The following ZNF431 variants were observed in gnomAD, a reference collection of about 807,000 sequenced individuals.
ZNF431 encodes zinc finger protein 431.
Under a neutral mutation model 57.0 loss-of-function variants are expected in ZNF431, and 34 were observed. The observed-to-expected ratio is 0.60, with a 90% CI of 0.45 to 0.79. The LOEUF (loss-of-function observed/expected upper bound fraction) is 0.79. Among genes scored for constraint, ZNF431 ranks in the 30% least tolerant of loss-of-function variants. The pLI, the probability that ZNF431 is intolerant of heterozygous loss-of-function variation, is 0.00. For synonymous variants in ZNF431, 207 were observed against 220.3 expected (o/e 0.94, Z 0.54); for missense variants, 607 against 667.1 (o/e 0.91, Z 0.99).
intron 2 of ZNF431, 23 bp from the exon 3 acceptor site, chr19:21,166,312 G>A: frequency 6.2e-7 from 1 of 1,609,378 alleles, no homozygotes; most frequent in Non-Finnish European, 8.5e-7. Flanking sequence ...ATATATGTGT[G>A]TCTCTGTGCT....
rs1971444926 is a variant in ZNF431 at position 21,188,920 on chromosome 19, T to A, written c.*4886T>A. The A allele has an allele frequency of 6.6e-6, 1 of 152,170 alleles. No homozygotes were observed. The highest frequency in any genetic ancestry group is 6.5e-5 in the Admixed American group (1 of 15,268). 9.4% of individuals were successfully genotyped at this position (152,170 alleles called of 1,614,324 possible). On this transcript the variant is annotated 3_prime_UTR_variant, in exon 5 of 5. Transcript: ENST00000311048. ...TCCTAAAGTACGTTGGCTCCTCCCA[T>A]GCAATGTGCTGGGTCCAAACCATGC...
At position 21,196,042 on chromosome 19, in the gene ZNF431, A is replaced by G. The variant is rs1599635787; in HGVS notation, c.*12008A>G. On this transcript the variant is annotated 3_prime_UTR_variant, in exon 5 of 5. Transcript: ENST00000311048. ...ATTCAATTTGACAAAATATAAATCT[A>G]TTTGATTTGAATTTAATGGTGTGTG... 1 of 142,842 alleles carries G rather than the reference A, an allele frequency of 7.0e-6. No individual in the cohort carries two copies. The highest frequency in any genetic ancestry group is 1.5e-5 in the Non-Finnish European group (1 of 66,178). 8.8% of individuals were successfully genotyped at this position (142,842 alleles called of 1,614,324 possible). A position where few individuals can be genotyped will look rare whatever the true frequency, so the allele number is the denominator to read the frequency against.
At position 21,185,030 on chromosome 19, in the gene ZNF431, T is replaced by A. The variant is rs1971327650; in HGVS notation, c.*996T>A. Reference sequence around the variant, plus strand: ...AATATAATAAATTTGGAAAAACAATTTTTCAAAAACTACAGCTTAGAAATC... The same window carrying A: ...AATATAATAAATTTGGAAAAACAATATTTCAAAAACTACAGCTTAGAAATC... On this transcript the variant is annotated 3_prime_UTR_variant, in exon 5 of 5. Coordinates refer to ENST00000311048, the MANE Select transcript of ZNF431 (RefSeq NM_133473.4). 1 of 152,156 alleles carries A rather than the reference T, an allele frequency of 6.6e-6. No individual in the cohort carries two copies. Among genetic ancestry groups the A allele is most frequent in the East Asian group, 1.9e-4 (1 of 5,196 alleles). The allele number at this position is 152,156 out of a possible 1,614,324, so 9.4% of individuals were successfully genotyped here. A position where few individuals can be genotyped will look rare whatever the true frequency, so the allele number is the denominator to read the frequency against.
chr19:21,182,355 C>G (rs546007171), intron 4 of ZNF431, among the ~76,000 whole-genome samples: 28 of 152,308 alleles, frequency 1.8e-4, no homozygotes, highest in Middle Eastern at 6.8e-3. Flanking sequence ...ATGTAACAGA[C>G]TTTTCTTTTT....
chr19:21,163,924 T>A (rs1159208897), intron 2 of ZNF431, among the ~76,000 whole-genome samples: 4 of 151,598 alleles, frequency 2.6e-5, no homozygotes, highest in African/African-American at 9.7e-5. Flanking sequence ...CTACTAAAAA[T>A]ACAAAAATTA....
chr19:21,144,354 A>G (rs1371203678), intron 2 of ZNF431, among the ~76,000 whole-genome samples: 1 of 151,630 alleles, frequency 6.6e-6, no homozygotes, highest in East Asian at 1.9e-4. Context: ...ACACACCACC[A>G]CACCCAGCTA....
At chr19:21,172,044 G>C (rs1383364524) in intron 4 of ZNF431, among the ~76,000 whole-genome samples, 4 of 151,778 alleles carry the variant, frequency 2.6e-5, no homozygotes, top group Admixed American at 2.6e-4. Flanking sequence ...CTTTGTGTGA[G>C]AAAAACATTT....
At chr19:21,145,580 C>T (rs953972824) in intron 2 of ZNF431, among the ~76,000 whole-genome samples, 4 of 152,178 alleles carry the variant, frequency 2.6e-5, no homozygotes, top group African/African-American at 9.7e-5. Flanking sequence ...AGAAGCCTTT[C>T]TGCTGACACA....
chr19:21,175,469 G>A (rs1971023524), intron 4 of ZNF431: 2 of 695,314 alleles, frequency 2.9e-6, no homozygotes, highest in South Asian at 1.5e-5. Context: ...TGTGCAGGAT[G>A]TGCAGGTTTG....
intron 2 of ZNF431, among the ~76,000 whole-genome samples, chr19:21,165,812 T>C (rs990379235): frequency 1.3e-5 from 2 of 152,176 alleles, no homozygotes; most frequent in Non-Finnish European, 2.9e-5. Flanking sequence ...TCTCTTTCAC[T>C]TGCCTAATGT....
At chr19:21,180,918 C>A (rs1186409085) in intron 4 of ZNF431, among the ~76,000 whole-genome samples, 1 of 146,180 alleles carries the variant, frequency 6.8e-6, no homozygotes, top group African/African-American at 2.5e-5. Context: ...TCCAGCCTGG[C>A]GACAGAGTGA....
At position 21,194,107 on chromosome 19, in the gene ZNF431, A is replaced by G. The variant is rs1971561005; in HGVS notation, c.*10073A>G. On this transcript the variant is annotated 3_prime_UTR_variant, in exon 5 of 5. Transcript: ENST00000311048. ...CATGATATAATTCTCTACCTAGAAA[A>G]CTTTAAGGATTTTACCAAAAGACTC... The G allele has an allele frequency of 6.6e-6, 1 of 152,194 alleles. No individual in the cohort carries two copies. The highest frequency in any genetic ancestry group is 1.5e-5 in the Non-Finnish European group (1 of 68,022). 9.4% of individuals were successfully genotyped at this position (152,194 alleles called of 1,614,324 possible). A position where few individuals can be genotyped will look rare whatever the true frequency, so the allele number is the denominator to read the frequency against.
chr19:21,147,664 A>T (rs1361093007), intron 2 of ZNF431, among the ~76,000 whole-genome samples: 1 of 151,982 alleles, frequency 6.6e-6, no homozygotes, highest in Middle Eastern at 3.2e-3. Flanking sequence ...TCATATAATA[A>T]TTTTATGTAA....
In ZNF431 at chr19:21,187,328, C is replaced by T. The variant is rs939838634; in HGVS notation, c.*3294C>T. On this transcript the variant is annotated 3_prime_UTR_variant, in exon 5 of 5. Coordinates refer to ENST00000311048, the MANE Select transcript of ZNF431 (RefSeq NM_133473.4). ...GGTGGTGGGTGCCTGTAATCCCACTCGGGAGGCTGAGTCAGGAGAATTGCT... is the reference window on the plus strand; with the variant it reads ...GGTGGTGGGTGCCTGTAATCCCACTTGGGAGGCTGAGTCAGGAGAATTGCT... 2.7e-5 allele frequency: 4 copies of T among 150,922 alleles called. No individual in the cohort carries two copies. Among genetic ancestry groups the T allele is most frequent in the East Asian group, 2.0e-4 (1 of 5,126 alleles). The allele number at this position is 150,922 out of a possible 1,614,324, so 9.3% of individuals were successfully genotyped here.
At chr19:21,145,854 T>C (rs1196840821) in intron 2 of ZNF431, among the ~76,000 whole-genome samples, 2 of 151,712 alleles carry the variant, frequency 1.3e-5, no homozygotes, top group Non-Finnish European at 2.9e-5. Flanking sequence ...AGAAAGAAGG[T>C]GGGAGGGGAA....
At chr19:21,165,399 A>G (rs1970694445) in intron 2 of ZNF431, among the ~76,000 whole-genome samples, 1 of 152,220 alleles carries the variant, frequency 6.6e-6, no homozygotes, top group Admixed American at 6.5e-5. Flanking sequence ...ATCATTATTA[A>G]AATTATGGAA....
rs1234631573 is a variant in ZNF431 at position 21,188,542 on chromosome 19, C to T, written c.*4508C>T. 6.6e-6 allele frequency: 1 copy of T among 152,090 alleles called. No individual in the cohort carries two copies. The highest frequency in any genetic ancestry group is 1.9e-4 in the East Asian group (1 of 5,188). The allele number at this position is 152,090 out of a possible 1,614,324, so 9.4% of individuals were successfully genotyped here. On this transcript the variant is annotated 3_prime_UTR_variant, in exon 5 of 5. Coordinates refer to ENST00000311048, the MANE Select transcript of ZNF431 (RefSeq NM_133473.4). The stretch of plus-strand genomic sequence containing the variant: ...TAAAGGTTACAAAATAATGAAATGA[C>T]TTCAGTGGATTTAAAATTTTGAAAA...
intron 1 of ZNF431, among the ~76,000 whole-genome samples, chr19:21,142,718 G>A (rs2144909799): frequency 6.6e-6 from 1 of 152,298 alleles, no homozygotes; most frequent in Admixed American, 6.5e-5. Flanking sequence ...TAAAAAGCAT[G>A]ATGAAGAAAA....
chr19:21,180,169 C>G (rs1971171924), intron 4 of ZNF431, among the ~76,000 whole-genome samples: 1 of 152,162 alleles, frequency 6.6e-6, no homozygotes, highest in African/African-American at 2.4e-5. Flanking sequence ...GGTATTCAGC[C>G]TATTACATTT....
Sources: gnomAD v4.1 joint callset for allele counts (sites outside exome capture counted in the v4.1 genomes callset) on GRCh38, gnomAD v4.1.1 for gene constraint, MANE v1.5 for transcripts, NCBI Gene and HGNC (gene_info 2026-07-23, HGNC 2026-07-21) for gene names.